ASXL1: variants seen among roughly 807,000 people sequenced by gnomAD.
The protein encoded by ASXL1 is polycomb group protein ASXL1.
ASXL1 carries 65 observed loss-of-function variants against 89.1 expected under a neutral mutation model. The observed-to-expected ratio is 0.73, with a 90% CI of 0.60 to 0.90. The LOEUF is 0.90. Among genes scored for constraint, ASXL1 ranks in the 40% least tolerant of loss-of-function variants. The pLI is 0.00. For synonymous variants in ASXL1, 739 were observed against 746.9 expected (o/e 0.99, Z 0.17); for missense variants, 1,786 against 1,942.9 (o/e 0.92, Z 1.52).
At chr20:32,371,432 C>T (rs1322560156) in intron 4 of ASXL1, among the ~76,000 whole-genome samples, 1 of 151,962 alleles carries the variant, frequency 6.6e-6, no homozygotes, top group Admixed American at 6.6e-5. Context: ...ACTTCAGGCG[C>T]ATACCACTAT....
Position 32,434,596 on chromosome 20 carries a change from AGGTCACCACTGCCATAGAGAGGC to A in ASXL1, c.1887_1909del (p.Glu635ArgfsTer15). On this transcript the variant is annotated frameshift_variant, in exon 13 of 13. Transcript: ENST00000375687. LOFTEE classifies it low-confidence loss of function (END_TRUNC). ...GTGCTCTGCAGGTCCGAGGGGCGAG[AGGTCACCACTGCCATAGAGAGGC>A]GGCCACCACTGCCATCGGAGGGGGG... 6.2e-7 allele frequency: 1 copy of A among 1,612,870 alleles called. No homozygotes were observed. The highest frequency in any genetic ancestry group is 8.5e-7 in the Non-Finnish European group (1 of 1,179,846).
rs1600525633 is a variant in ASXL1 at position 32,399,745 on chromosome 20, C to CTATTTTTT, written c.253-28382_253-28381insATTTTTTT. Among the ~76,000 whole-genome samples, 17 of 66,592 alleles carry CTATTTTTT rather than the reference C, an allele frequency of 2.6e-4. 2 individuals are homozygous for CTATTTTTT. Among genetic ancestry groups the CTATTTTTT allele is most frequent in the East Asian group, 5.6e-4 (1 of 1,774 alleles). The allele number at this position is 66,592 out of a possible 152,430, so 43.7% of individuals were successfully genotyped here. A position where few individuals can be genotyped will look rare whatever the true frequency, so the allele number is the denominator to read the frequency against. ...ATTTTTAAAAATCTCACATATTTTA[C>CTATTTTTT]TCTTTTTTTTTTTTTTTTTTTTTTT... On this transcript the variant is annotated intron_variant, in intron 4 of 12. Coordinates refer to ENST00000375687, the MANE Select transcript of ASXL1 (RefSeq NM_015338.6).
At chr20:32,394,490 A>G (rs2048728123) in intron 4 of ASXL1, among the ~76,000 whole-genome samples, 1 of 152,068 alleles carries the variant, frequency 6.6e-6, no homozygotes, top group South Asian at 2.1e-4. Context: ...TTGGCTCATT[A>G]GTACTTTGTT....
At chr20:32,373,306 G>A (rs903064025) in intron 4 of ASXL1, among the ~76,000 whole-genome samples, 2 of 152,082 alleles carry the variant, frequency 1.3e-5, no homozygotes, top group African/African-American at 4.8e-5. Context: ...TAACCCGGGA[G>A]ATGGAGGTTG....
At chr20:32,414,288 C>A (rs2049099054) in intron 4 of ASXL1, among the ~76,000 whole-genome samples, 1 of 151,200 alleles carries the variant, frequency 6.6e-6, no homozygotes, top group Admixed American at 6.6e-5. Context: ...ATGTGGGACT[C>A]TCTTAATGGA....
intron 4 of ASXL1, among the ~76,000 whole-genome samples, chr20:32,398,094 G>A (rs770884360): frequency 2.6e-5 from 4 of 152,118 alleles, no homozygotes; most frequent in African/African-American, 4.8e-5. Flanking sequence ...ATCCTTTTGG[G>A]TGTGGTTTCT....
intron 4 of ASXL1, among the ~76,000 whole-genome samples, chr20:32,400,647 G>C (rs936675570): frequency 1.3e-5 from 2 of 152,168 alleles, no homozygotes; most frequent in East Asian, 3.9e-4. Flanking sequence ...TACTCAGTGA[G>C]TACCTCTCTA....
At chr20:32,372,569 CT>C (rs2048315492) in intron 4 of ASXL1, 1 of 255,514 alleles carries the variant, frequency 3.9e-6, no homozygotes, top group African/African-American at 2.3e-5. Flanking sequence ...TGAATAATGG[CT>C]ACATTTTTGT....
At chr20:32,359,439 A>C (rs2048072128) in intron 1 of ASXL1, 3 of 700,958 alleles carry the variant, frequency 4.3e-6, no homozygotes, top group Non-Finnish European at 7.8e-6. Flanking sequence ...TAGGAACGCT[A>C]CTCCTAGGGC....
In ASXL1 at chr20:32,433,283, G is replaced by C. The variant is rs777661872; in HGVS notation, c.1086-1G>C. 1 of 1,614,168 alleles carries C rather than the reference G, an allele frequency of 6.2e-7. No homozygotes were observed. The highest frequency in any genetic ancestry group is 8.5e-7 in the Non-Finnish European group (1 of 1,180,040). On this transcript the variant is annotated splice_acceptor_variant, in intron 11 of 12. Coordinates refer to ENST00000375687, the MANE Select transcript of ASXL1 (RefSeq NM_015338.6). LOFTEE classifies it high-confidence loss of function. ...CTGATGGCTGTGATTTTGATTTGCA[G>C]GCTGGGTTTGACCAAAGAAGAGTCA...
chr20:32,427,200 A>C (rs1382998582), intron 4 of ASXL1: 1 of 152,190 alleles, frequency 6.6e-6, no homozygotes, highest in African/African-American at 2.4e-5. Flanking sequence ...CTGAGTCTAC[A>C]TGTCGTGAGT....
At chr20:32,405,119 CTTACTATTT>C (rs544456644) in intron 4 of ASXL1, among the ~76,000 whole-genome samples, 103 of 152,000 alleles carry the variant, frequency 6.8e-4, no homozygotes, top group African/African-American at 2.5e-3. Flanking sequence ...CCTGTTGTTC[CTTACTATTT>C]TTATTTATTT....
rs2011731444 is a variant in ASXL1 at position 32,435,074 on chromosome 20, GAATGT to G, written c.2363_2367del (p.Glu788GlyfsTer10). On this transcript the variant is annotated frameshift_variant, in exon 13 of 13. Transcript: ENST00000375687. LOFTEE classifies it low-confidence loss of function (END_TRUNC). ...TCAGTTGCATCCGGATGTTAGAACT[GAATGT>G]GAGTCTGGCACCACTTCCTGGGAAA... 1 of 1,613,962 alleles carries G rather than the reference GAATGT, an allele frequency of 6.2e-7. No individual in the cohort carries two copies. Among genetic ancestry groups the G allele is most frequent in the Non-Finnish European group, 8.5e-7 (1 of 1,180,034 alleles).
At chr20:32,430,266 A>C in intron 8 of ASXL1, 3 of 654,896 alleles carry the variant, frequency 4.6e-6, no homozygotes, top group Middle Eastern at 8.6e-4. Context: ...AGATGATGCC[A>C]TACTGTTTCT....
intron 4 of ASXL1, chr20:32,371,973 T>A (rs2048307219): frequency 4.3e-6 from 2 of 469,644 alleles, no homozygotes; most frequent in Non-Finnish European, 7.4e-6. Context: ...TACATATATG[T>A]TTATTACAAA....
chr20:32,411,557 T>TTTA (rs1600543755), intron 4 of ASXL1, among the ~76,000 whole-genome samples: 1 of 133,540 alleles, frequency 7.5e-6, no homozygotes, highest in Non-Finnish European at 1.6e-5. Context: ...TTTTTTTTTT[T>TTTA]AAAATATGAA....
chr20:32,417,888 A>T (rs141492837), intron 4 of ASXL1, among the ~76,000 whole-genome samples: 5 of 151,988 alleles, frequency 3.3e-5, no homozygotes, highest in Non-Finnish European at 1.5e-5. Context: ...TACAAAAAAT[A>T]AAAAAGTTGG....
chr20:32,382,464 T>G (rs564145646), intron 4 of ASXL1, among the ~76,000 whole-genome samples: 1 of 152,160 alleles, frequency 6.6e-6, no homozygotes, highest in African/African-American at 2.4e-5. Context: ...AGTTTTGAAC[T>G]TTGATCATCT....
chr20:32,379,161 C>CTTTTTTTTTTTTTTTTT (rs71187113), intron 4 of ASXL1, among the ~76,000 whole-genome samples: 6 of 61,794 alleles, frequency 9.7e-5, no homozygotes, highest in East Asian at 6.5e-4. Flanking sequence ...TAACTTCAGT[C>CTTTTTTTTTTTTTTTTT]TTTTTTTTTT....
Sources: gnomAD v4.1 joint callset for allele counts (sites outside exome capture counted in the v4.1 genomes callset) on GRCh38, gnomAD v4.1.1 for gene constraint, MANE v1.5 for transcripts, NCBI Gene and HGNC (gene_info 2026-07-23, HGNC 2026-07-21) for gene names.